Variants in GSG1 observed in about 807,000 individuals in gnomAD.
The protein encoded by GSG1 is germ cell associated 1.
Under a neutral mutation model 30.8 loss-of-function variants are expected in GSG1, and 28 were observed. That is an observed-to-expected ratio of 0.91 (90% CI 0.67 to 1.25). The LOEUF (loss-of-function observed/expected upper bound fraction) is 1.25. Ranked by LOEUF, GSG1 falls within the 50% of genes most tolerant of loss-of-function variation. The pLI is 0.00. For synonymous variants in GSG1, 162 were observed against 178.0 expected, an observed-to-expected ratio of 0.91 and a Z score of 0.71; for missense variants, 435 against 444.7, an observed-to-expected ratio of 0.98 and a Z score of 0.20.
chr12:13,087,313 A>G (rs765192492), intron 5 of GSG1, 50 bp from the exon 6 acceptor site: 1 of 1,396,052 alleles, frequency 7.2e-7, no homozygotes, highest in South Asian at 1.2e-5. Context: ...CTTTCATGCC[A>G]TCTGCCAGGA....
chr12:13,091,823 C>T (rs971325719), intron 1 of GSG1, among the ~76,000 whole-genome samples: 4 of 152,236 alleles, frequency 2.6e-5, no homozygotes, highest in African/African-American at 7.2e-5. Flanking sequence ...TTTGTGACTT[C>T]ATTCTGAAGG....
rs144714981 is a variant in GSG1, at chr12:13,097,327, C to T, written c.48+6138G>A. ...TTTCTTTTCTCCCTAGGACAGACAG[C>T]TCCCTCCTCATGATCCTTGTCACAC... On this transcript the variant is annotated intron_variant, in intron 1 of 6. Transcript: ENST00000651961. Among the ~76,000 whole-genome samples the T allele has an allele frequency of 6.0e-3, 906 of 152,110 alleles. 10 individuals are homozygous for T. The highest frequency in any genetic ancestry group is 0.021 in the African/African-American group (865 of 41,484).
chr12:13,101,215 G>C lies in GSG1; in HGVS notation c.48+2250C>G, dbSNP rs1188686405. On this transcript the variant is annotated intron_variant, in intron 1 of 6. Transcript: ENST00000651961. This position sits in a 1 kb window ranked among gnomAD's most constrained non-coding sequence, Gnocchi z 5.8. Reference sequence around the variant, plus strand: ...GGCGTAACGGGTGGGGCCTCTCGGGGGTGCCTGGGCCGCGCCATCTCCACT... The same window carrying C: ...GGCGTAACGGGTGGGGCCTCTCGGGCGTGCCTGGGCCGCGCCATCTCCACT... Among the ~76,000 whole-genome samples the C allele has an allele frequency of 6.6e-6, 1 of 152,130 alleles. No individual in the cohort carries two copies. The highest frequency in any genetic ancestry group is 1.5e-5 in the Non-Finnish European group (1 of 68,002).
chr12:13,099,875 G>A (rs1040280351), intron 1 of GSG1, among the ~76,000 whole-genome samples: 1 of 150,936 alleles, frequency 6.6e-6, no homozygotes, highest in Non-Finnish European at 1.5e-5. Flanking sequence ...TGACCCACGC[G>A]CCATTAGCTC....
intron 2 of GSG1, among the ~76,000 whole-genome samples, chr12:13,089,770 G>T (rs1182839042): frequency 6.6e-6 from 1 of 152,220 alleles, no homozygotes; most frequent in Non-Finnish European, 1.5e-5. Context: ...GAAGTTATAG[G>T]CTGGGCATGG....
intron 3 of GSG1, 36 bp from the exon 4 acceptor site, chr12:13,088,945 C>A: frequency 1.2e-6 from 2 of 1,610,922 alleles, no homozygotes; most frequent in Non-Finnish European, 1.7e-6. Context: ...TGGAGCTACT[C>A]CCTGGGATGG....
rs888736884 is a variant in GSG1 at position 13,089,849 on chromosome 12, G to A, written c.365-573C>T. 1.4e-4 allele frequency among the ~76,000 whole-genome samples: 22 copies of A among 152,290 alleles called. No homozygotes were observed. The South Asian group carries it at 4.6e-3, about 32-fold the overall frequency. On this transcript the variant is annotated intron_variant, in intron 2 of 6. Transcript: ENST00000651961. ...GCAGATCACCTGAGGTCGGGAGTTC[G>A]AGACCAGCCTGACCAACATGGAGAA...
chr12:13,102,061 C>G (rs1034032285), intron 1 of GSG1, among the ~76,000 whole-genome samples: 6 of 152,202 alleles, frequency 3.9e-5, no homozygotes, highest in African/African-American at 1.4e-4. Flanking sequence ...TTGCTAGACC[C>G]TTCAGACATC....
intron 3 of GSG1, 140 bp from the exon 4 acceptor site, chr12:13,089,049 G>T: frequency 7.8e-7 from 1 of 1,285,518 alleles, no homozygotes; most frequent in East Asian, 2.5e-5. Context: ...AGGAAAGAAT[G>T]CCTGGGTGAA....
chr12:13,085,976 A>C (rs1865480978), intron 6 of GSG1, among the ~76,000 whole-genome samples: 1 of 152,208 alleles, frequency 6.6e-6, no homozygotes, highest in Non-Finnish European at 1.5e-5. Context: ...AACCATATTA[A>C]ACACATTCCT....
intron 5 of GSG1, 138 bp from the exon 6 acceptor site, chr12:13,087,401 T>G (rs969791942): frequency 3.2e-6 from 2 of 619,906 alleles, no homozygotes; most frequent in African/African-American, 3.7e-5. Context: ...CCACCACATT[T>G]CCCGAAGACT....
intron 6 of GSG1, among the ~76,000 whole-genome samples, chr12:13,086,334 G>A (rs1470825865): frequency 1.1e-4 from 16 of 152,172 alleles, no homozygotes; most frequent in Admixed American, 7.9e-4. Flanking sequence ...AATTATTAGC[G>A]CAGATTGTAC....
At chr12:13,100,260 A>G (rs1419908166) in intron 1 of GSG1, among the ~76,000 whole-genome samples, 1 of 152,236 alleles carries the variant, frequency 6.6e-6, no homozygotes, top group East Asian at 1.9e-4. Context: ...TTCTGTTGCT[A>G]AAGGAAACAG....
rs756967638 is a variant in GSG1, at chr12:13,084,791, G to C, written c.*110C>G. The stretch of plus-strand genomic sequence containing the variant: ...ATAACCCTTATTCATAGCCTTATTC[G>C]TAGCCTCTAAAAACCATGCTCAAGA... On this transcript the variant is annotated 3_prime_UTR_variant, in exon 7 of 7. Transcript: ENST00000651961. 1 of 702,354 alleles carries C rather than the reference G, an allele frequency of 1.4e-6. No homozygotes were observed. The highest frequency in any genetic ancestry group is 1.9e-5 in the South Asian group (1 of 51,622). 43.5% of individuals were successfully genotyped at this position (702,354 alleles called of 1,614,324 possible).
intron 1 of GSG1, chr12:13,095,615 G>T (rs375229603): frequency 7.4e-6 from 12 of 1,614,204 alleles, no homozygotes; most frequent in Non-Finnish European, 1.0e-5. Context: ...CATGGTCAGC[G>T]TCTTGCAGCT....
At chr12:13,090,060 A>C (rs931435647) in intron 2 of GSG1, among the ~76,000 whole-genome samples, 1 of 152,208 alleles carries the variant, frequency 6.6e-6, no homozygotes, top group African/African-American at 2.4e-5. Flanking sequence ...AAAAGAAAAA[A>C]GAAATGAAGT....
chr12:13,088,230 C>T (rs573042195), intron 4 of GSG1, among the ~76,000 whole-genome samples, 171 bp from the exon 5 acceptor site: 7 of 152,284 alleles, frequency 4.6e-5, no homozygotes, highest in East Asian at 3.9e-4. Context: ...AGTCCTTTGA[C>T]GTCACTCACA....
intron 1 of GSG1, among the ~76,000 whole-genome samples, chr12:13,102,180 G>A (rs1015469932): frequency 6.6e-6 from 1 of 152,118 alleles, no homozygotes; most frequent in Non-Finnish European, 1.5e-5. Flanking sequence ...GCTAGTAAAT[G>A]GTAAAGTCAA....
chr12:13,100,304 A>G (rs1440274709), intron 1 of GSG1, among the ~76,000 whole-genome samples: 1 of 152,252 alleles, frequency 6.6e-6, no homozygotes, highest in Non-Finnish European at 1.5e-5. Context: ...AAGAGCAGCG[A>G]GAAGCTACAA....
Sources: gnomAD v4.1 joint callset for allele counts (sites outside exome capture counted in the v4.1 genomes callset) on GRCh38, gnomAD v4.1.1 for gene constraint, Gnocchi (gnomAD v3.1) non-coding constraint, MANE v1.5 for transcripts, NCBI Gene and HGNC (gene_info 2026-07-23, HGNC 2026-07-21) for gene names.